The following TRAPPC9 variants were observed in gnomAD, a reference collection of about 807,000 sequenced individuals.
The protein encoded by TRAPPC9 is IKK2 binding protein.
In TRAPPC9, 83 loss-of-function variants were observed where a neutral mutation model predicts 124.0. The observed-to-expected ratio is 0.67, with a 90% CI of 0.56 to 0.80. The LOEUF is 0.80. TRAPPC9 is among the 30% of genes least tolerant of loss of function. TRAPPC9 has a pLI of 0.00. For synonymous variants in TRAPPC9, 638 were observed against 617.5 expected (o/e 1.03, Z -0.49); for missense variants, 1,302 against 1,508.3 (o/e 0.86, Z 2.27).
At chr8:140,042,956 T>G (rs1841362925) in intron 17 of TRAPPC9, among the ~76,000 whole-genome samples, 1 of 152,226 alleles carries the variant, frequency 6.6e-6, no homozygotes. Context: ...TCAGTCCCTT[T>G]GTCTTCACAC....
Position 140,451,151 on chromosome 8 carries a change from G to A in TRAPPC9, c.223C>T (p.Arg75Cys), listed in dbSNP as rs1445840938. The stretch of plus-strand genomic sequence containing the variant: ...ATGGTGATGAGGCCCACGACTTTGC[G>A]GTGGGTCTGGAAGTCACCCCACTCG... Reference protein sequence around the residue: ...NNEWGDFQTHRKVVGLITITD... With the variant: ...NNEWGDFQTHCKVVGLITITD... The change falls in exon 2 of 23, where the codon CGC becomes TGC. Residue 75 changes from arginine to cysteine, a missense_variant. Arg to Cys is a radical substitution (Grantham distance 180). Around this residue, in one of 3 missense-constraint regions of TRAPPC9, gnomAD observed 657 missense variants for 811.2 expected, o/e 0.81. Transcript: ENST00000438773. The A allele has an allele frequency of 1.3e-5, 21 of 1,614,118 alleles. No homozygotes were observed. Among genetic ancestry groups the A allele is most frequent in the Non-Finnish European group, 1.6e-5 (19 of 1,180,010 alleles).
At chr8:140,126,144 G>T (rs753556966) in intron 17 of TRAPPC9, among the ~76,000 whole-genome samples, 4 of 152,068 alleles carry the variant, frequency 2.6e-5, no homozygotes, top group Non-Finnish European at 4.4e-5. Flanking sequence ...TAGTAAAGTT[G>T]ATTTGAAAGA....
At chr8:139,926,937 A>G (rs1832855787) in intron 19 of TRAPPC9, among the ~76,000 whole-genome samples, 1 of 152,272 alleles carries the variant, frequency 6.6e-6, no homozygotes. Context: ...TGTATCCAAG[A>G]CTATATAAAG....
chr8:140,155,745 T>C (rs1223737531), intron 17 of TRAPPC9, among the ~76,000 whole-genome samples: 1 of 152,230 alleles, frequency 6.6e-6, no homozygotes, highest in Non-Finnish European at 1.5e-5. Flanking sequence ...GCTAAACCAA[T>C]TGAATGTATA....
At chr8:139,861,322 C>T (rs1039530468) in intron 21 of TRAPPC9, among the ~76,000 whole-genome samples, 9 of 152,068 alleles carry the variant, frequency 5.9e-5, no homozygotes, top group Non-Finnish European at 8.8e-5. Flanking sequence ...AAGCTAATTC[C>T]GATTGGCTAC....
At chr8:140,440,972 C>CTTTTTTTT (rs60379205) in intron 2 of TRAPPC9, among the ~76,000 whole-genome samples, 14 of 80,266 alleles carry the variant, frequency 1.7e-4, no homozygotes, top group South Asian at 4.6e-4. Context: ...AACACTGTTA[C>CTTTTTTTT]TTTTTTTTTT....
Position 139,801,610 on chromosome 8 carries a change from G to T in TRAPPC9, c.3056-69408C>A, listed in dbSNP as rs140910219. 2.1e-4 allele frequency among the ~76,000 whole-genome samples: 32 copies of T among 152,324 alleles called. No individual in the cohort carries two copies. The East Asian group carries it at 2.1e-3, about 10-fold the overall frequency. ...TAATGGGGTGCTGGGATGCGAAAGTGGGGGGTGGGGTACGGTTATCAACCG... is the reference window on the plus strand; with the variant it reads ...TAATGGGGTGCTGGGATGCGAAAGTTGGGGGTGGGGTACGGTTATCAACCG... On this transcript the variant is annotated intron_variant, in intron 21 of 22. Coordinates refer to ENST00000438773, the MANE Select transcript of TRAPPC9 (RefSeq NM_001160372.4).
chr8:140,147,631 A>T (rs2130806946), intron 17 of TRAPPC9, among the ~76,000 whole-genome samples: 1 of 152,388 alleles, frequency 6.6e-6, no homozygotes, highest in East Asian at 1.9e-4. Flanking sequence ...TGTTTCAGTG[A>T]ACATCACTCT....
At chr8:140,107,290 C>T (rs1284884743) in intron 17 of TRAPPC9, among the ~76,000 whole-genome samples, 1 of 152,196 alleles carries the variant, frequency 6.6e-6, no homozygotes, top group African/African-American at 2.4e-5. Context: ...CTCAGATCCA[C>T]AGGAAGGTAG....
intron 19 of TRAPPC9, among the ~76,000 whole-genome samples, chr8:139,934,141 A>C (rs1248439749): frequency 1.3e-5 from 2 of 152,182 alleles, no homozygotes; most frequent in Non-Finnish European, 2.9e-5. Flanking sequence ...GCCTTCATTC[A>C]TTCAACAAAA....
chr8:140,378,317 C>A (rs2132276101), intron 7 of TRAPPC9, among the ~76,000 whole-genome samples: 1 of 152,206 alleles, frequency 6.6e-6, no homozygotes, highest in South Asian at 2.1e-4. Context: ...ACTCGGTGGG[C>A]TGGGAGAGGC....
Position 140,344,410 on chromosome 8 carries a change from T to A in TRAPPC9, c.1495+15640A>T, listed in dbSNP as rs572605786. Among the ~76,000 whole-genome samples the A allele has an allele frequency of 3.9e-5, 6 of 152,296 alleles. No individual in the cohort carries two copies. In the South Asian group the frequency reaches 1.2e-3, roughly 32 times the overall value. On this transcript the variant is annotated intron_variant, in intron 9 of 22. Transcript: ENST00000438773. ...GAGGTGGGGAGAAGTTACATGACTT[T>A]CCCCTGCTGCACGGGGAGTCAACAG...
At position 140,072,949 on chromosome 8, in the gene TRAPPC9, T is replaced by C. The variant is rs375024875; in HGVS notation, c.2557-48870A>G. 9.2e-5 allele frequency among the ~76,000 whole-genome samples: 14 copies of C among 152,236 alleles called. No individual in the cohort carries two copies. In the East Asian group the frequency reaches 1.4e-3, roughly 15 times the overall value. On this transcript the variant is annotated intron_variant, in intron 17 of 22. Coordinates refer to ENST00000438773, the MANE Select transcript of TRAPPC9 (RefSeq NM_001160372.4). ...AATATATGAATGGCCAATAATCACA[T>C]GAAGAAGTGTTCAATGTCCTTAGAA... is the stretch of plus-strand genomic sequence containing the variant.
intron 9 of TRAPPC9, among the ~76,000 whole-genome samples, chr8:140,346,194 C>A (rs1029992768): frequency 6.6e-6 from 1 of 152,192 alleles, no homozygotes. Flanking sequence ...TGGAGTGCAT[C>A]GGCTGGGGAG....
intron 15 of TRAPPC9, among the ~76,000 whole-genome samples, chr8:140,264,357 C>A (rs913646305): frequency 2.0e-5 from 3 of 152,150 alleles, no homozygotes; most frequent in African/African-American, 7.2e-5. Flanking sequence ...TCCCAAGGTG[C>A]TTCTTACACT....
chr8:140,390,355 G>C (rs1381345493), intron 7 of TRAPPC9, among the ~76,000 whole-genome samples: 1 of 152,098 alleles, frequency 6.6e-6, no homozygotes, highest in African/African-American at 2.4e-5. Context: ...CACGAAATAA[G>C]TATCTGCACC....
At chr8:139,906,152 A>G (rs1002482669) in intron 20 of TRAPPC9, among the ~76,000 whole-genome samples, 7 of 152,228 alleles carry the variant, frequency 4.6e-5, no homozygotes, top group African/African-American at 1.7e-4. Flanking sequence ...CTAACCCATT[A>G]GCTCATCCGG....
intron 19 of TRAPPC9, among the ~76,000 whole-genome samples, chr8:139,944,765 A>G (rs1016423465): frequency 1.3e-5 from 2 of 152,190 alleles, no homozygotes; most frequent in Non-Finnish European, 2.9e-5. Flanking sequence ...TAAACCAAAT[A>G]CCAATAAATA....
intron 21 of TRAPPC9, among the ~76,000 whole-genome samples, chr8:139,813,772 C>T (rs1824614379): frequency 1.3e-5 from 2 of 152,158 alleles, no homozygotes; most frequent in Admixed American, 1.3e-4. Flanking sequence ...TGTCACAGGC[C>T]CTAAGGAGCC....
Sources: allele counts gnomAD v4.1 joint callset (sites outside exome capture counted in the v4.1 genomes callset), GRCh38; gene constraint gnomAD v4.1.1; regional missense constraint gnomAD v4.1.1; transcripts MANE v1.5; gene names NCBI Gene and HGNC (gene_info 2026-07-23, HGNC 2026-07-21).